Variants in NKAIN3 observed in about 807,000 individuals in gnomAD.
NKAIN3 encodes sodium/potassium-transporting ATPase subunit beta-1-interacting protein 3.
NKAIN3 carries 25 observed loss-of-function variants against 30.2 expected under a neutral mutation model. That is an observed-to-expected ratio of 0.83 (90% CI 0.60 to 1.16). The LOEUF is 1.16. Ranked by LOEUF, NKAIN3 falls within the 50% of genes most tolerant of loss-of-function variation. The pLI is 0.00. For missense variants in NKAIN3, 225 were observed against 254.1 expected, an observed-to-expected ratio of 0.89 and a Z score of 0.78; for synonymous variants, 91 against 89.6, an observed-to-expected ratio of 1.02 and a Z score of -0.09.
rs536317268 is a variant in NKAIN3, at chr8:62,639,491, G to A, written c.273+49697G>A. ...AAGGAGTAACTTGCTTGGAAGAGTT[G>A]TACAGAAAAGAGCTGAAAAGTGAGG... On this transcript the variant is annotated intron_variant, in intron 3 of 6. Transcript: ENST00000623646. 3.9e-5 allele frequency among the ~76,000 whole-genome samples: 6 copies of A among 152,298 alleles called. No homozygotes were observed. The South Asian group carries it at 1.2e-3, about 32-fold the overall frequency.
chr8:62,424,594 CA>C lies in NKAIN3; in HGVS notation c.55-154939del, dbSNP rs957141610. Among the ~76,000 whole-genome samples the C allele has an allele frequency of 3.3e-5, 5 of 151,620 alleles. No individual in the cohort carries two copies. In the East Asian group the frequency reaches 5.8e-4, roughly 18 times the overall value. ...AGGGAAATGCAAACCAAAATTAAAA[CA>C]AAAAATATTATCTCACACCTGTTCA... is the stretch of plus-strand genomic sequence containing the variant. On this transcript the variant is annotated intron_variant, in intron 1 of 6. Coordinates refer to ENST00000623646, the MANE Select transcript of NKAIN3 (RefSeq NM_001304533.3).
chr8:62,642,534 G>C (rs936962107), intron 3 of NKAIN3, among the ~76,000 whole-genome samples: 7 of 151,874 alleles, frequency 4.6e-5, no homozygotes, highest in African/African-American at 1.7e-4. Context: ...CCCTTTCTTG[G>C]TCTCTTGGTA....
intron 5 of NKAIN3, among the ~76,000 whole-genome samples, chr8:62,927,752 T>G (rs1395317235): frequency 6.6e-6 from 1 of 152,202 alleles, no homozygotes; most frequent in Admixed American, 6.5e-5. Flanking sequence ...CCTTAAAATA[T>G]TAACTAATCA....
intron 1 of NKAIN3, chr8:62,483,172 A>T (rs571593446): frequency 6.6e-6 from 1 of 152,368 alleles, no homozygotes; most frequent in East Asian, 1.9e-4. Context: ...GAACTGGAGC[A>T]TCTTTCATTT....
At chr8:62,956,722 T>G (rs1823428412) in intron 6 of NKAIN3, among the ~76,000 whole-genome samples, 1 of 152,204 alleles carries the variant, frequency 6.6e-6, no homozygotes, top group African/African-American at 2.4e-5. Context: ...TATCACTGAT[T>G]GATTGCCTAC....
Position 62,383,881 on chromosome 8 carries a change from C to CT in NKAIN3, c.54+134767dup, listed in dbSNP as rs202071193. 4.7e-3 allele frequency among the ~76,000 whole-genome samples: 680 copies of CT among 145,716 alleles called. 4 individuals are homozygous for CT. Among genetic ancestry groups the CT allele is most frequent in the African/African-American group, 8.4e-3 (335 of 39,830 alleles). On this transcript the variant is annotated intron_variant, in intron 1 of 6. Coordinates refer to ENST00000623646, the MANE Select transcript of NKAIN3 (RefSeq NM_001304533.3). The stretch of plus-strand genomic sequence containing the variant: ...CTACAGTGACAATTTCATGAATTTT[C>CT]TTTTTTTTTTTTTCCACAGTAGACC...
intron 4 of NKAIN3, among the ~76,000 whole-genome samples, chr8:62,762,608 G>T (rs992635162): frequency 6.6e-6 from 1 of 152,160 alleles, no homozygotes; most frequent in African/African-American, 2.4e-5. Context: ...GGATTGGAGA[G>T]AACAAGGCTA....
intron 4 of NKAIN3, among the ~76,000 whole-genome samples, chr8:62,878,220 T>C (rs1003982560): frequency 3.3e-5 from 5 of 152,198 alleles, no homozygotes; most frequent in Admixed American, 3.3e-4. Flanking sequence ...AGAGAATATA[T>C]TGATTTGACA....
chr8:62,326,685 G>A (rs1410614254), intron 1 of NKAIN3, among the ~76,000 whole-genome samples: 3 of 151,882 alleles, frequency 2.0e-5, no homozygotes, highest in African/African-American at 4.8e-5. Context: ...AAATATCACT[G>A]GCACATTATT....
chr8:62,794,960 C>G (rs559835107), intron 4 of NKAIN3, among the ~76,000 whole-genome samples: 12 of 152,230 alleles, frequency 7.9e-5, no homozygotes, highest in Middle Eastern at 3.4e-3. Context: ...ATCTTTCCAT[C>G]CCCTTCACAC....
chr8:62,279,851 A>G (rs1234820809), intron 1 of NKAIN3, among the ~76,000 whole-genome samples: 1 of 152,204 alleles, frequency 6.6e-6, no homozygotes, highest in African/African-American at 2.4e-5. Flanking sequence ...TGTCTTGGCA[A>G]TGTGGGCTCT....
At chr8:62,789,268 G>C (rs375228680) in intron 4 of NKAIN3, among the ~76,000 whole-genome samples, 10 of 152,002 alleles carry the variant, frequency 6.6e-5, no homozygotes, top group African/African-American at 2.2e-4. Context: ...AAGTTGGATT[G>C]CTAGGTATTT....
chr8:62,266,916 C>T (rs1273308308), intron 1 of NKAIN3, among the ~76,000 whole-genome samples: 1 of 152,232 alleles, frequency 6.6e-6, no homozygotes, highest in East Asian at 1.9e-4. Context: ...CCTCTGGGCA[C>T]ACTGCCTATG....
At position 62,747,065 on chromosome 8, in the gene NKAIN3, C is replaced by T. The variant is rs779854796; in HGVS notation, c.407C>T (p.Thr136Ile). ...MMDDYTYVSV[T>I]GCIVDFQYLE... ...GACGATTACACGTACGTCTCTGTCA[C>T]AGGCTGCATCGTTGACTTCCAGTAC... The change falls in exon 4 of 7, where the codon ACA (threonine) becomes ATA (isoleucine). Residue 136 changes from threonine (T) to isoleucine (I), a missense_variant. Physicochemically the swap from Thr to Ile is moderately conservative, Grantham distance 89. Coordinates refer to ENST00000623646, the MANE Select transcript of NKAIN3 (RefSeq NM_001304533.3). 2.5e-6 allele frequency: 4 copies of T among 1,613,686 alleles called. No individual in the cohort carries two copies. The highest frequency in any genetic ancestry group is 2.2e-5 in the South Asian group (2 of 91,060).
At chr8:62,408,239 T>A (rs1804136463) in intron 1 of NKAIN3, among the ~76,000 whole-genome samples, 1 of 152,206 alleles carries the variant, frequency 6.6e-6, no homozygotes, top group Non-Finnish European at 1.5e-5. Flanking sequence ...TTAAGTGGAA[T>A]CATAATCTCC....
chr8:62,399,547 A>G (rs775548896), intron 1 of NKAIN3, among the ~76,000 whole-genome samples: 2 of 152,194 alleles, frequency 1.3e-5, no homozygotes, highest in Non-Finnish European at 2.9e-5. Flanking sequence ...ATACATATTC[A>G]GTGCTGAGAT....
intron 3 of NKAIN3, among the ~76,000 whole-genome samples, chr8:62,651,792 C>T (rs979402231): frequency 6.6e-6 from 1 of 152,102 alleles, no homozygotes; most frequent in Non-Finnish European, 1.5e-5. Context: ...CAAGTTCTCA[C>T]TCAGTTCACA....
At chr8:62,876,856 G>T (rs1820811763) in intron 4 of NKAIN3, among the ~76,000 whole-genome samples, 1 of 151,602 alleles carries the variant, frequency 6.6e-6, no homozygotes, top group African/African-American at 2.4e-5. Context: ...GTCAATAGGT[G>T]CAGCAAACCA....
intron 1 of NKAIN3, among the ~76,000 whole-genome samples, chr8:62,381,545 G>C (rs1756331580): frequency 6.6e-6 from 1 of 151,798 alleles, no homozygotes; most frequent in Non-Finnish European, 1.5e-5. Flanking sequence ...TTAGAACAAG[G>C]CAATTAGGTG....
Sources: allele counts gnomAD v4.1 joint callset (sites outside exome capture counted in the v4.1 genomes callset), GRCh38; gene constraint gnomAD v4.1.1; transcripts MANE v1.5; gene names NCBI Gene and HGNC (gene_info 2026-07-23, HGNC 2026-07-21).